BTD: variants seen among roughly 807,000 people sequenced by gnomAD.
BTD encodes biotinidase, also known as biocytinase.
A neutral mutation model predicts 17.7 loss-of-function variants in BTD; 13 were observed. The observed-to-expected ratio is 0.74, with a 90% CI of 0.48 to 1.17. BTD has a LOEUF of 1.17. Among genes scored for constraint, BTD ranks in the 50% most tolerant of loss-of-function variants. The pLI is 0.00. For synonymous variants in BTD, 240 were observed against 245.2 expected (o/e 0.98, Z 0.20); for missense variants, 674 against 650.4 (o/e 1.04, Z -0.39).
intron 3 of BTD, among the ~76,000 whole-genome samples, chr3:15,704,451 T>G (rs1031937164): frequency 6.6e-6 from 1 of 152,094 alleles, no homozygotes; most frequent in Admixed American, 6.6e-5. Flanking sequence ...AAACAACAAC[T>G]TTTCCTGGGG....
chr3:15,719,782 T>G lies in BTD; in HGVS notation c.1016-1988T>G, dbSNP rs1575372342. Among the ~76,000 whole-genome samples, 4 of 152,254 alleles carry G rather than the reference T, an allele frequency of 2.6e-5. 1 individual carries two copies. The Middle Eastern group carries it at 0.014, about 518-fold the overall frequency. On this transcript the variant is annotated intron_variant, in intron 4 of 4. Transcript: ENST00000672427. Reference sequence around the variant, plus strand: ...GTTGCCCAGGCTGGTCTTGAACTCCTGGCCTCAAGTGATCTTCTCGCCTTG... The same window carrying G: ...GTTGCCCAGGCTGGTCTTGAACTCCGGGCCTCAAGTGATCTTCTCGCCTTG...
At chr3:15,618,774 C>A (rs1281280325) in intron 1 of BTD, among the ~76,000 whole-genome samples, 1 of 152,202 alleles carries the variant, frequency 6.6e-6, no homozygotes, top group African/African-American at 2.4e-5. Flanking sequence ...ATCCACCTGC[C>A]TCAGCCTCCC....
rs1463898173 is a variant in BTD at position 15,602,043 on chromosome 3, T to C, written c.-17+149T>C. 5 of 1,478,748 alleles carry C rather than the reference T, an allele frequency of 3.4e-6. No individual in the cohort carries two copies. The East Asian group carries it at 7.3e-5, about 21-fold the overall frequency. The allele number at this position is 1,478,748 out of a possible 1,614,324, so 91.6% of individuals were successfully genotyped here. On this transcript the variant is annotated intron_variant, in intron 1 of 3. Coordinates refer to ENST00000643237, the MANE Select transcript of BTD (RefSeq NM_001370658.1). ...CGGCGCGCGTCGTTTGCTGGGGCTG[T>C]TTGTGCGTTGCTGCTGTGCTACCGC...
intron 1 of BTD, among the ~76,000 whole-genome samples, chr3:15,608,987 T>C (rs529343525): frequency 5.4e-4 from 83 of 152,328 alleles, no homozygotes; most frequent in African/African-American, 1.9e-3. Context: ...GATAATAATC[T>C]ATTCTCCATG....
At chr3:15,666,803 T>C (rs900504163) in intron 3 of BTD, among the ~76,000 whole-genome samples, 11 of 152,252 alleles carry the variant, frequency 7.2e-5, no homozygotes, top group African/African-American at 2.7e-4. Context: ...TCTTTTCACA[T>C]AGGGTTTGCA....
chr3:15,601,444 G>A, upstream of BTD: 6 of 1,613,640 alleles, frequency 3.7e-6, no homozygotes, highest in Non-Finnish European at 4.2e-6. Flanking sequence ...GCTGCGCTCT[G>A]CGAAGTTACT....
chr3:15,703,793 G>A (rs1324428585), intron 3 of BTD, among the ~76,000 whole-genome samples: 3 of 152,182 alleles, frequency 2.0e-5, no homozygotes, highest in Non-Finnish European at 4.4e-5. Context: ...GAAGAGTTAT[G>A]AAGTGCGGGC....
At chr3:15,695,626 G>C (rs1027224009) in intron 3 of BTD, among the ~76,000 whole-genome samples, 1 of 152,000 alleles carries the variant, frequency 6.6e-6, no homozygotes, top group Non-Finnish European at 1.5e-5. Flanking sequence ...TCTTTTCCTT[G>C]ACTTTCCTTC....
downstream of BTD, among the ~76,000 whole-genome samples, chr3:15,715,882 A>C (rs2072947396): frequency 1.3e-5 from 2 of 152,210 alleles, no homozygotes; most frequent in African/African-American, 4.8e-5. Context: ...ACCAGAAAAA[A>C]AAAGGGCAAA....
chr3:15,711,404 G>C, exon 4 of BTD: 1 of 676,584 alleles, frequency 1.5e-6, no homozygotes, highest in Non-Finnish European at 2.5e-6. Flanking sequence ...AAGTGCTAGA[G>C]TGCCTGTTTA....
intron 3 of BTD, among the ~76,000 whole-genome samples, chr3:15,643,802 G>T (rs1173075233): frequency 6.7e-6 from 1 of 149,258 alleles, no homozygotes; most frequent in Non-Finnish European, 1.5e-5. Flanking sequence ...CACACCTGTA[G>T]TCCCAGCTTC....
In BTD at chr3:15,645,556, C is replaced by A. The variant is rs2065675655; in HGVS notation, c.*68C>A. ...GACAGCCTTGCACTTCCACAGGCTA[C>A]AAGCCCTGGGACCATCTTTCTGCCT... On this transcript the variant is annotated 3_prime_UTR_variant, in exon 4 of 4. Transcript: ENST00000643237. The A allele has an allele frequency of 6.4e-7, 1 of 1,561,310 alleles. No homozygotes were observed.
chr3:15,709,314 G>A (rs1010138907), intron 3 of BTD, among the ~76,000 whole-genome samples: 4 of 152,122 alleles, frequency 2.6e-5, no homozygotes, highest in African/African-American at 4.8e-5. Flanking sequence ...GGAGAAAGGA[G>A]AACTGTATCA....
chr3:15,669,684 A>C (rs1230118899), intron 3 of BTD: 3 of 152,594 alleles, frequency 2.0e-5, no homozygotes, highest in African/African-American at 4.8e-5. Flanking sequence ...TTAAAAAAAA[A>C]ACAAAACCCA....
chr3:15,620,643 AGATAACAG>A (rs1448116388), intron 1 of BTD, among the ~76,000 whole-genome samples: 2 of 152,246 alleles, frequency 1.3e-5, no homozygotes, highest in Non-Finnish European at 2.9e-5. Flanking sequence ...CAGCCTACGA[AGATAACAG>A]GATTAAGAGA....
At chr3:15,609,290 T>C in intron 1 of BTD, among the ~76,000 whole-genome samples, 1 of 152,194 alleles carries the variant, frequency 6.6e-6, no homozygotes, top group Non-Finnish European at 1.5e-5. Context: ...GAAACCCCCG[T>C]GTGTCCTTTC....
chr3:15,686,946 C>CT (rs368116430), intron 3 of BTD, among the ~76,000 whole-genome samples: 22,584 of 140,960 alleles, frequency 0.16, 2,423 homozygotes, highest in African/African-American at 0.31. Flanking sequence ...CCTGATATTG[C>CT]TTTTTTTTTT....
intron 3 of BTD, chr3:15,697,413 A>T (rs540846952): frequency 6.6e-6 from 1 of 152,322 alleles, no homozygotes; most frequent in African/African-American, 2.4e-5. Flanking sequence ...AATCTCAGAA[A>T]TCATCAATAA....
In BTD at chr3:15,674,050, T is replaced by C. The variant is rs189613916; in HGVS notation, c.399+31993T>C. Among the ~76,000 whole-genome samples the C allele has an allele frequency of 1.4e-4, 21 of 151,440 alleles. No homozygotes were observed. The East Asian group carries it at 3.1e-3, about 22-fold the overall frequency. On this transcript the variant is annotated intron_variant, in intron 3 of 3. Transcript: ENST00000672141. ...AGCTAGGCCTGGTGATGCATACTTA[T>C]AGTGCTAGCTACTTGGGAGGCTGAG... is the stretch of plus-strand genomic sequence containing the variant.
Sources: gnomAD v4.1 joint callset for allele counts (sites outside exome capture counted in the v4.1 genomes callset) on GRCh38, gnomAD v4.1.1 for gene constraint, MANE v1.5 for transcripts, NCBI Gene and HGNC (gene_info 2026-07-23, HGNC 2026-07-21) for gene names.